The following IKZF2 variants were observed in gnomAD, a reference collection of about 807,000 sequenced individuals.
The protein encoded by IKZF2 is zinc finger protein Helios.
IKZF2 carries 15 observed loss-of-function variants against 49.2 expected under a neutral mutation model. The ratio of observed to expected loss-of-function variants is 0.30; its 90% CI spans 0.20 to 0.47. The LOEUF (loss-of-function observed/expected upper bound fraction) is 0.47. Among genes scored for constraint, IKZF2 ranks in the 20% least tolerant of loss-of-function variants. IKZF2 has a pLI of 1.00. For synonymous variants in IKZF2, 227 were observed against 221.4 expected (o/e 1.03, Z -0.23); for missense variants, 567 against 664.6 (o/e 0.85, Z 1.61).
intron 7 of IKZF2, among the ~76,000 whole-genome samples, chr2:213,016,018 A>G (rs1696544992): frequency 6.6e-6 from 1 of 152,052 alleles, no homozygotes; most frequent in Non-Finnish European, 1.5e-5. Flanking sequence ...CCCGAGTTCA[A>G]TGAAGCTCAT....
In IKZF2 at chr2:213,050,518, T is replaced by C. The variant is rs78682783; in HGVS notation, c.407-638A>G. ...TGAACCAGCTTACAAAGCTCATTAG[T>C]ACAAGATTTTCAAATACGGGCCAGG... On this transcript the variant is annotated intron_variant, in intron 5 of 8. Transcript: ENST00000434687. 5.5e-3 allele frequency among the ~76,000 whole-genome samples: 832 copies of C among 152,280 alleles called. 9 individuals carry two copies. The highest frequency in any genetic ancestry group is 0.034 in the Middle Eastern group (10 of 294).
Position 213,005,186 on chromosome 2 carries a change from T to TTGTG in IKZF2, c.*2173_*2174insCACA, listed in dbSNP as rs1410396523. On this transcript the variant is annotated 3_prime_UTR_variant, in exon 9 of 9. Coordinates refer to ENST00000434687, the MANE Select transcript of IKZF2 (RefSeq NM_001387220.1). ...CATCCCAATTATTATTTGGGAGTGG[T>TTGTG]TGGGTGGGGGGGGGTGAGCGAGTCT... The TTGTG allele has an allele frequency of 7.8e-4, 37 of 47,374 alleles. No individual in the cohort carries two copies. The highest frequency in any genetic ancestry group is 1.9e-3 in the Admixed American group (6 of 3,082). 2.9% of individuals were successfully genotyped at this position (47,374 alleles called of 1,614,324 possible). A position where few individuals can be genotyped will look rare whatever the true frequency, so the allele number is the denominator to read the frequency against.
At chr2:213,054,691 T>C (rs772795779) in intron 5 of IKZF2, among the ~76,000 whole-genome samples, 5 of 152,136 alleles carry the variant, frequency 3.3e-5, no homozygotes, top group Non-Finnish European at 7.4e-5. Context: ...AGTATAATAA[T>C]TTGCACAATG....
intron 4 of IKZF2, among the ~76,000 whole-genome samples, chr2:213,068,125 A>G (rs577249041): frequency 6.6e-6 from 1 of 152,254 alleles, no homozygotes; most frequent in South Asian, 2.1e-4. Flanking sequence ...AGCAAAGTAG[A>G]CAGACATATA....
intron 6 of IKZF2, among the ~76,000 whole-genome samples, chr2:213,033,748 A>G (rs1331976900): frequency 6.6e-6 from 1 of 152,220 alleles, no homozygotes; most frequent in Non-Finnish European, 1.5e-5. Flanking sequence ...GGCAGAGTAG[A>G]TATAGCATAA....
chr2:213,139,323 G>A (rs561454740), intron 4 of IKZF2, among the ~76,000 whole-genome samples: 13 of 152,032 alleles, frequency 8.6e-5, no homozygotes, highest in South Asian at 6.2e-4. Flanking sequence ...ACTGGACAAA[G>A]GACTTCAACC....
chr2:213,040,298 C>T (rs918921944), intron 6 of IKZF2, among the ~76,000 whole-genome samples: 7 of 150,254 alleles, frequency 4.7e-5, no homozygotes, highest in African/African-American at 1.5e-4. Context: ...AAGGCTAGCA[C>T]CATTAGTTAT....
At chr2:213,018,197 T>A (rs1696818068) in intron 7 of IKZF2, among the ~76,000 whole-genome samples, 1 of 152,062 alleles carries the variant, frequency 6.6e-6, no homozygotes, top group Non-Finnish European at 1.5e-5. Flanking sequence ...AAAAGCAACA[T>A]AAAGATAATA....
intron 4 of IKZF2, among the ~76,000 whole-genome samples, chr2:213,146,129 T>C (rs1276981086): frequency 1.3e-5 from 2 of 152,114 alleles, no homozygotes; most frequent in South Asian, 2.1e-4. Context: ...ACATGCAATG[T>C]TTCTAAAGCC....
intron 5 of IKZF2, among the ~76,000 whole-genome samples, chr2:213,051,796 T>G (rs1187575648): frequency 6.6e-6 from 1 of 151,990 alleles, no homozygotes; most frequent in Non-Finnish European, 1.5e-5. Flanking sequence ...AAATTTGATT[T>G]TACTTTTAAA....
chr2:213,095,796 T>A (rs1462671439), intron 4 of IKZF2, among the ~76,000 whole-genome samples: 1 of 152,080 alleles, frequency 6.6e-6, no homozygotes. Flanking sequence ...TATTGTTAAG[T>A]ATTTCTGCAG....
chr2:213,074,059 A>C (rs1269240374), intron 4 of IKZF2, among the ~76,000 whole-genome samples: 1 of 152,230 alleles, frequency 6.6e-6, no homozygotes, highest in African/African-American at 2.4e-5. Context: ...ATACAAATGA[A>C]AAAGATTGAA....
intron 4 of IKZF2, among the ~76,000 whole-genome samples, chr2:213,120,446 T>C (rs1025346293): frequency 1.3e-5 from 2 of 152,212 alleles, no homozygotes; most frequent in African/African-American, 2.4e-5. Context: ...ATATGTTATA[T>C]TCAAGACATG....
At position 213,004,301 on chromosome 2, in the gene IKZF2, A is replaced by T. The variant is rs1186631252; in HGVS notation, c.*3059T>A. ...CAATTTTGTCCCTTTAGGAAATCTCAATGGAATATTTCAATGACTTGAAAT... is the reference window on the plus strand; with the variant it reads ...CAATTTTGTCCCTTTAGGAAATCTCTATGGAATATTTCAATGACTTGAAAT... On this transcript the variant is annotated 3_prime_UTR_variant, in exon 9 of 9. Transcript: ENST00000434687. 6.6e-6 allele frequency: 1 copy of T among 151,818 alleles called. No homozygotes were observed. The highest frequency in any genetic ancestry group is 6.6e-5 in the Admixed American group (1 of 15,202). 9.4% of individuals were successfully genotyped at this position (151,818 alleles called of 1,614,324 possible).
At chr2:213,012,043 T>C (rs1696022921) in intron 8 of IKZF2, among the ~76,000 whole-genome samples, 1 of 151,924 alleles carries the variant, frequency 6.6e-6, no homozygotes, top group African/African-American at 2.4e-5. Context: ...TCTGGAGAAT[T>C]TGATAAGGTC....
At chr2:213,092,216 A>G (rs1705425849) in intron 4 of IKZF2, among the ~76,000 whole-genome samples, 1 of 151,998 alleles carries the variant, frequency 6.6e-6, no homozygotes, top group African/African-American at 2.4e-5. Flanking sequence ...TTTTGTAGAG[A>G]TGAGATCTCC....
chr2:213,134,858 A>G (rs1216694342), intron 4 of IKZF2, among the ~76,000 whole-genome samples: 1 of 152,098 alleles, frequency 6.6e-6, no homozygotes, highest in African/African-American at 2.4e-5. Flanking sequence ...GCTATTTTTC[A>G]TTTGCTCTAT....
intron 6 of IKZF2, among the ~76,000 whole-genome samples, chr2:213,027,202 T>C (rs1697905800): frequency 6.6e-6 from 1 of 152,090 alleles, no homozygotes; most frequent in Non-Finnish European, 1.5e-5. Context: ...AGGATTCAGC[T>C]CTCTTACAAA....
intron 4 of IKZF2, among the ~76,000 whole-genome samples, chr2:213,143,352 T>A (rs2060937738): frequency 2.0e-5 from 3 of 151,988 alleles, no homozygotes; most frequent in Admixed American, 2.0e-4. Flanking sequence ...CGGACTTTAA[T>A]TCTCAGTACT....
Sources: gnomAD v4.1 joint callset for allele counts (sites outside exome capture counted in the v4.1 genomes callset) on GRCh38, gnomAD v4.1.1 for gene constraint, MANE v1.5 for transcripts, NCBI Gene and HGNC (gene_info 2026-07-23, HGNC 2026-07-21) for gene names.